RPGRIP1: variants seen among roughly 807,000 people sequenced by gnomAD.
RPGRIP1 encodes the protein X-linked retinitis pigmentosa GTPase regulator-interacting protein 1.
A neutral mutation model predicts 157.9 loss-of-function variants in RPGRIP1; 128 were observed. The observed-to-expected ratio is 0.81, with a 90% CI of 0.70 to 0.94. RPGRIP1 has a LOEUF of 0.94. Ranked by LOEUF, RPGRIP1 falls within the 40% of genes least tolerant of loss-of-function variation. The pLI is 0.00. For missense variants in RPGRIP1, 1,486 were observed against 1,545.8 expected (o/e 0.96, Z 0.65); for synonymous variants, 554 against 571.6 (o/e 0.97, Z 0.44).
chr14:21,306,784 A>T (rs1026236765), intron 6 of RPGRIP1, among the ~76,000 whole-genome samples: 6 of 143,736 alleles, frequency 4.2e-5, no homozygotes, highest in African/African-American at 1.6e-4. Flanking sequence ...TATTATTATC[A>T]TTATTTTTTG....
At chr14:21,317,953 C>T in intron 11 of RPGRIP1, 103 bp downstream of exon 11, 1 of 1,002,656 alleles carries the variant, frequency 1.0e-6, no homozygotes. Context: ...TCACTTGATC[C>T]TATTCTTTTG....
chr14:21,334,001 A>C (rs1244153137), intron 20 of RPGRIP1, among the ~76,000 whole-genome samples: 1 of 148,162 alleles, frequency 6.7e-6, no homozygotes, highest in African/African-American at 2.5e-5. Flanking sequence ...TGGCTCACTG[A>C]AACCTCTGCC....
At chr14:21,284,976 C>G (rs997191656) in intron 1 of RPGRIP1, among the ~76,000 whole-genome samples, 1 of 150,232 alleles carries the variant, frequency 6.7e-6, no homozygotes, top group Non-Finnish European at 1.5e-5. Flanking sequence ...TTCTACTTTT[C>G]ATACATTCGG....
chr14:21,325,832 T>C lies in RPGRIP1; in HGVS notation c.2369T>C (p.Phe790Ser). 1 of 1,610,008 alleles carries C rather than the reference T, an allele frequency of 6.2e-7. No homozygotes were observed. The highest frequency in any genetic ancestry group is 8.5e-7 in the Non-Finnish European group (1 of 1,177,110). The change falls in exon 17 of 25, where the codon TTC becomes TCC. Residue 790 changes from phenylalanine (F) to serine (S), a missense_variant and splice_region_variant. Transcript: ENST00000400017. Reference sequence around the variant, plus strand: ...AATCCATGACCAACATCTTTCCAGTTCAGATCGGAGTCTTGGGAACCTCAG... The same window carrying C: ...AATCCATGACCAACATCTTTCCAGTCCAGATCGGAGTCTTGGGAACCTCAG... ...LGGRKAQEEEFRSESWEPQNE... is the reference protein window; with the variant it reads ...LGGRKAQEEESRSESWEPQNE...
chr14:21,289,881 G>T (rs1880452230), intron 2 of RPGRIP1, among the ~76,000 whole-genome samples: 2 of 151,590 alleles, frequency 1.3e-5, no homozygotes, highest in African/African-American at 4.9e-5. Context: ...TTTTGAGACA[G>T]ATTCTTGCTT....
In RPGRIP1 at chr14:21,294,829, AATTTTTTTT is replaced by A; in HGVS notation, c.218+21_218+29del. ...CAAAAGGTACTTAGAGTTCTCCTTAAATTTTTTTTTTTTTTTTTTTTTTTTTTTTTTTTG... is the reference window on the plus strand; with the variant it reads ...CAAAAGGTACTTAGAGTTCTCCTTAATTTTTTTTTTTTTTTTTTTTTTTTG... On this transcript the variant is annotated intron_variant, in intron 3 of 24. Coordinates refer to ENST00000400017, the MANE Select transcript of RPGRIP1 (RefSeq NM_020366.4). 19 of 827,960 alleles carry A rather than the reference AATTTTTTTT, an allele frequency of 2.3e-5. No homozygotes were observed. The highest frequency in any genetic ancestry group is 4.8e-5 in the East Asian group (1 of 20,624). 51.3% of individuals were successfully genotyped at this position (827,960 alleles called of 1,614,324 possible). A position where few individuals can be genotyped will look rare whatever the true frequency, so the allele number is the denominator to read the frequency against.
intron 17 of RPGRIP1, among the ~76,000 whole-genome samples, chr14:21,327,310 A>G (rs1417246002): frequency 6.6e-6 from 1 of 152,164 alleles, no homozygotes; most frequent in Non-Finnish European, 1.5e-5. Flanking sequence ...ATTTGATAAT[A>G]GTAATAATAA....
At position 21,301,208 on chromosome 14, in the gene RPGRIP1, G is replaced by A; in HGVS notation, c.461G>A (p.Gly154Asp). ...QVGHRQLHTAGAPVPEKPKRG... is the reference protein window; with the variant it reads ...QVGHRQLHTADAPVPEKPKRG... ...GGACACAGACAGCTCCACACAGCCG[G>A]TGCACCGGTGCCGGAGAAACCCAAG... The change falls in exon 4 of 25, where the codon GGT becomes GAT. Residue 154 changes from glycine to aspartate, a missense_variant. Physicochemically the swap from Gly to Asp is moderately conservative, Grantham distance 94. Transcript: ENST00000400017. The A allele has an allele frequency of 6.3e-7, 1 of 1,592,222 alleles. No individual in the cohort carries two copies. The highest frequency in any genetic ancestry group is 8.5e-7 in the Non-Finnish European group (1 of 1,170,328).
At chr14:21,295,957 A>G (rs566673327) in intron 3 of RPGRIP1, among the ~76,000 whole-genome samples, 7 of 150,422 alleles carry the variant, frequency 4.7e-5, no homozygotes, top group Non-Finnish European at 5.9e-5. Flanking sequence ...TTGTTTTGAG[A>G]TGAAACCTCG....
At chr14:21,329,234 G>T (rs558091078) in intron 19 of RPGRIP1, among the ~76,000 whole-genome samples, 3 of 151,410 alleles carry the variant, frequency 2.0e-5, no homozygotes, top group African/African-American at 7.3e-5. Context: ...TAGGAGAATC[G>T]CTTGAACCCA....
At chr14:21,309,834 T>TA (rs146224548) in intron 7 of RPGRIP1, among the ~76,000 whole-genome samples, 80,947 of 150,954 alleles carry the variant, frequency 0.54, 21,730 homozygotes, top group South Asian at 0.61. Flanking sequence ...AAAATAAATT[T>TA]AAAAAAAAAG....
intron 12 of RPGRIP1, among the ~76,000 whole-genome samples, chr14:21,320,402 T>C (rs1368927568): frequency 3.3e-5 from 5 of 151,784 alleles, no homozygotes; most frequent in Non-Finnish European, 5.9e-5. Flanking sequence ...GCCGTTCTCC[T>C]GCCTCAGCCT....
Position 21,288,049 on chromosome 14 carries a change from C to A in RPGRIP1, c.73C>A (p.Pro25Thr). 6.2e-7 allele frequency: 1 copy of A among 1,611,100 alleles called. No homozygotes were observed. The highest frequency in any genetic ancestry group is 8.5e-7 in the Non-Finnish European group (1 of 1,177,336). The change falls in exon 2 of 25, where the codon CCA becomes ACA. Residue 25 changes from proline to threonine, a missense_variant. By Grantham distance (38) the Pro-to-Thr change is conservative. Transcript: ENST00000400017. Reference protein sequence around the residue: ...RDIDAIPLVLPASKGKNMKTQ... With the variant: ...RDIDAIPLVLTASKGKNMKTQ... ...CATAGATGCTATACCTCTGGTGCTA[C>A]CAGCCTCAAAAGGTAACTTCTACGC...
At chr14:21,335,009 G>C (rs1268367773) in intron 21 of RPGRIP1, among the ~76,000 whole-genome samples, 1 of 133,224 alleles carries the variant, frequency 7.5e-6, no homozygotes, top group East Asian at 2.2e-4. Context: ...TCACGCCATT[G>C]CACTCCGGCC....
chr14:21,320,201 A>T, intron 12 of RPGRIP1, 24 bp downstream of exon 12: 1 of 1,600,210 alleles, frequency 6.2e-7, no homozygotes, highest in South Asian at 1.1e-5. Context: ...TAAACAAACT[A>T]GTCCACTCTG....
intron 10 of RPGRIP1, among the ~76,000 whole-genome samples, 178 bp downstream of exon 10, chr14:21,312,684 C>T (rs1364040520): frequency 2.0e-5 from 3 of 150,980 alleles, no homozygotes; most frequent in Admixed American, 2.0e-4. Flanking sequence ...GTTAAATGTG[C>T]ATATCCTCTT....
In RPGRIP1 at chr14:21,328,670, G is replaced by T. The variant is rs773453834; in HGVS notation, c.3099+43G>T. Reference sequence around the variant, plus strand: ...CTGAAGCACTAAATTGTGGGTTGTAGTGTCCCCAGATGTATTATTCTCAGA... The same window carrying T: ...CTGAAGCACTAAATTGTGGGTTGTATTGTCCCCAGATGTATTATTCTCAGA... On this transcript the variant is annotated intron_variant, in intron 19 of 24. Coordinates refer to ENST00000400017, the MANE Select transcript of RPGRIP1 (RefSeq NM_020366.4). 2.2e-6 allele frequency: 3 copies of T among 1,343,644 alleles called. No individual in the cohort carries two copies. In the African/African-American group the frequency reaches 4.3e-5, roughly 19 times the overall value. The allele number at this position is 1,343,644 out of a possible 1,614,324, so 83.2% of individuals were successfully genotyped here.
At chr14:21,329,147 CAA>C (rs527281874) in intron 19 of RPGRIP1, among the ~76,000 whole-genome samples, 30 of 73,998 alleles carry the variant, frequency 4.1e-4, no homozygotes, top group Admixed American at 6.5e-4. Flanking sequence ...TCCATCTCAC[CAA>C]AAAAAAAAAA....
intron 21 of RPGRIP1, among the ~76,000 whole-genome samples, chr14:21,337,391 T>C (rs1222197955): frequency 6.6e-6 from 1 of 151,562 alleles, no homozygotes; most frequent in African/African-American, 2.4e-5. Flanking sequence ...AGTGTGATGA[T>C]AATAGTAGTC....
Sources: gnomAD v4.1 joint callset for allele counts (sites outside exome capture counted in the v4.1 genomes callset) on GRCh38, gnomAD v4.1.1 for gene constraint, MANE v1.5 for transcripts, NCBI Gene and HGNC (gene_info 2026-07-23, HGNC 2026-07-21) for gene names.